RIPK1: variants seen among roughly 807,000 people sequenced by gnomAD.
RIPK1 encodes receptor interacting serine/threonine kinase 1, also known as receptor-interacting serine/threonine-protein kinase 1.
In RIPK1, 27 loss-of-function variants were observed where a neutral mutation model predicts 62.4. The ratio of observed to expected loss-of-function variants is 0.43; its 90% CI spans 0.32 to 0.60. RIPK1 has a LOEUF of 0.60. Ranked by LOEUF, RIPK1 falls within the 20% of genes least tolerant of loss-of-function variation. The probability of loss-of-function intolerance (pLI) is 0.07; values close to 1 mark genes in which losing one functional copy is unlikely to be tolerated. For missense variants in RIPK1, 735 were observed against 831.0 expected, an observed-to-expected ratio of 0.88 and a Z score of 1.42; for synonymous variants, 287 against 303.2, an observed-to-expected ratio of 0.95 and a Z score of 0.55.
At chr6:3,073,246 ATATAT>A (rs112178017) in intron 1 of RIPK1, among the ~76,000 whole-genome samples, 51,422 of 148,964 alleles carry the variant, frequency 0.35, 9,070 homozygotes, top group South Asian at 0.43. Context: ...TTTTTATATC[ATATAT>A]TATATATTAC....
chr6:3,068,368 C>G (rs1165718314), upstream of RIPK1: 6 of 985,354 alleles, frequency 6.1e-6, no homozygotes, highest in Non-Finnish European at 7.2e-6. Context: ...AGTCCGCGAT[C>G]CTCTAGCCCG....
intron 3 of RIPK1, among the ~76,000 whole-genome samples, chr6:3,078,783 T>C (rs1436514440): frequency 6.6e-6 from 1 of 152,236 alleles, no homozygotes; most frequent in Non-Finnish European, 1.5e-5. Flanking sequence ...TTTGAAAACA[T>C]TTTTAAAAGC....
chr6:3,080,737 A>T (rs1759329840), intron 3 of RIPK1, among the ~76,000 whole-genome samples: 1 of 152,142 alleles, frequency 6.6e-6, no homozygotes, highest in South Asian at 2.1e-4. Flanking sequence ...TATTTTATGC[A>T]TTACCAAATT....
chr6:3,090,588 C>T (rs1581410450), intron 7 of RIPK1, among the ~76,000 whole-genome samples: 1 of 152,064 alleles, frequency 6.6e-6, no homozygotes, highest in African/African-American at 2.4e-5. Context: ...AGTGACAGAA[C>T]TCAAAGAAAA....
At chr6:3,077,068 G>A (rs1759106155) in intron 2 of RIPK1, 81 bp downstream of exon 2, 18 of 1,370,948 alleles carry the variant, frequency 1.3e-5, no homozygotes, top group Admixed American at 6.8e-5. Flanking sequence ...TGGCTGCTGC[G>A]GAGCCGTTGG....
At chr6:3,067,156 T>C (rs1758418364), upstream of RIPK1, among the ~76,000 whole-genome samples, 1 of 150,074 alleles carries the variant, frequency 6.7e-6, no homozygotes, top group Non-Finnish European at 1.5e-5. Context: ...ACCCATTAAG[T>C]GATATCTTGG....
intron 7 of RIPK1, among the ~76,000 whole-genome samples, chr6:3,099,310 C>T (rs1006054451): frequency 5.3e-5 from 8 of 152,006 alleles, no homozygotes; most frequent in South Asian, 2.1e-4. Flanking sequence ...TTTGGGAGGC[C>T]GAGGCTGGTG....
intron 4 of RIPK1, 146 bp downstream of exon 4, chr6:3,081,262 G>A (rs1759365850): frequency 2.2e-5 from 19 of 882,184 alleles, no homozygotes; most frequent in East Asian, 7.9e-5. Flanking sequence ...AGGCTCTACC[G>A]GTGATTGAGA....
intron 9 of RIPK1, among the ~76,000 whole-genome samples, chr6:3,109,794 C>T (rs557535502): frequency 6.6e-6 from 1 of 152,186 alleles, no homozygotes. Context: ...AACTCCCCAG[C>T]TCCCCTCCCA....
intron 7 of RIPK1, among the ~76,000 whole-genome samples, chr6:3,096,665 T>C (rs111669281): frequency 6.9e-6 from 1 of 144,426 alleles, no homozygotes; most frequent in African/African-American, 2.5e-5. Flanking sequence ...GTTCATACAA[T>C]TCTCCTGCCT....
intron 1 of RIPK1, among the ~76,000 whole-genome samples, chr6:3,074,465 A>G (rs1337259799): frequency 6.6e-6 from 1 of 152,056 alleles, no homozygotes; most frequent in Non-Finnish European, 1.5e-5. Context: ...TCCAGTTTGG[A>G]GCTATTATAA....
At chr6:3,094,580 CATAT>C (rs370564571) in intron 7 of RIPK1, among the ~76,000 whole-genome samples, 29 of 139,302 alleles carry the variant, frequency 2.1e-4, no homozygotes, top group African/African-American at 4.8e-4. Flanking sequence ...ATAAATATTT[CATAT>C]ATATATATAT....
intron 6 of RIPK1, among the ~76,000 whole-genome samples, 179 bp from the exon 7 acceptor site, chr6:3,089,402 C>CCCTT (rs1237684757): frequency 6.6e-6 from 1 of 152,182 alleles, no homozygotes; most frequent in Non-Finnish European, 1.5e-5. Context: ...GTTAGCCTAT[C>CCCTT]CCTTGTTCTG....
intron 7 of RIPK1, among the ~76,000 whole-genome samples, chr6:3,095,014 T>C (rs549816639): frequency 6.6e-6 from 1 of 152,070 alleles, no homozygotes; most frequent in African/African-American, 2.4e-5. Flanking sequence ...GCTATGATCA[T>C]GCCGCTGCAC....
chr6:3,065,949 A>G (rs1041499070), upstream of RIPK1, among the ~76,000 whole-genome samples: 1 of 152,206 alleles, frequency 6.6e-6, no homozygotes, highest in East Asian at 1.9e-4. Flanking sequence ...CCAAGGTCAC[A>G]TGATGTCTAG....
Position 3,068,586 on chromosome 6 carries a change from G to C in RIPK1, c.-136G>C, listed in dbSNP as rs1758505345. 1 of 985,344 alleles carries C rather than the reference G, an allele frequency of 1.0e-6. No homozygotes were observed. The highest frequency in any genetic ancestry group is 1.2e-6 in the Non-Finnish European group (1 of 829,950). The allele number at this position is 985,344 out of a possible 1,614,324, so 61.0% of individuals were successfully genotyped here. ...CAGGGGACCCACAGCTGGGGCGCCA[G>C]AGCGCGGCCATCCGGGCGGGGCCGA... On this transcript the variant is annotated 5_prime_UTR_variant, in exon 1 of 11. Transcript: ENST00000259808.
intron 1 of RIPK1, among the ~76,000 whole-genome samples, chr6:3,071,724 C>T (rs954556228): frequency 1.8e-4 from 27 of 152,124 alleles, no homozygotes; most frequent in South Asian, 8.3e-4. Flanking sequence ...ACTAGCAAAC[C>T]GCAAGACTGT....
intron 7 of RIPK1, among the ~76,000 whole-genome samples, chr6:3,098,961 G>C (rs1025808167): frequency 3.9e-5 from 6 of 152,226 alleles, no homozygotes; most frequent in African/African-American, 1.2e-4. Context: ...CAGAAGGGGA[G>C]TACCTGGGGC....
chr6:3,101,139 G>A (rs138091102), intron 7 of RIPK1, among the ~76,000 whole-genome samples: 3 of 152,172 alleles, frequency 2.0e-5, no homozygotes, highest in East Asian at 1.9e-4. Flanking sequence ...TTAGCCAAGC[G>A]TGGTGGCGCA....
Sources: gnomAD v4.1 joint callset for allele counts (sites outside exome capture counted in the v4.1 genomes callset) on GRCh38, gnomAD v4.1.1 for gene constraint, MANE v1.5 for transcripts, NCBI Gene and HGNC (gene_info 2026-07-23, HGNC 2026-07-21) for gene names.